The following NRCAM variants were observed in gnomAD, a reference collection of about 807,000 sequenced individuals.
The protein encoded by NRCAM is neuronal cell adhesion molecule.
A neutral mutation model predicts 156.5 loss-of-function variants in NRCAM; 83 were observed. That is an observed-to-expected ratio of 0.53 (90% CI 0.44 to 0.64). The LOEUF is 0.64. Among genes scored for constraint, NRCAM ranks in the 30% least tolerant of loss-of-function variants. The probability of loss-of-function intolerance (pLI) is 0.00; values close to 1 mark genes in which losing one functional copy is unlikely to be tolerated. For synonymous variants in NRCAM, 538 were observed against 563.9 expected, an observed-to-expected ratio of 0.95 and a Z score of 0.65; for missense variants, 1,417 against 1,597.3, an observed-to-expected ratio of 0.89 and a Z score of 1.92.
chr7:108,261,625 C>A lies in NRCAM; in HGVS notation c.-106-21455G>T, dbSNP rs1590640660. Among the ~76,000 whole-genome samples the A allele has an allele frequency of 3.3e-5, 5 of 152,150 alleles. No individual in the cohort carries two copies. In the South Asian group the frequency reaches 1.0e-3, roughly 32 times the overall value. On this transcript the variant is annotated intron_variant, in intron 3 of 32. Transcript: ENST00000379028. ...CCCCATTAGAGTTGTTGTATTGGAC[C>A]CCTCGTGTGCACCACTTCAAAGTCC...
At chr7:108,181,526 T>A (rs1370736428) in intron 24 of NRCAM, among the ~76,000 whole-genome samples, 1 of 152,214 alleles carries the variant, frequency 6.6e-6, no homozygotes, top group Non-Finnish European at 1.5e-5. Context: ...TTGGTAATAT[T>A]CTAGGTCTTT....
At chr7:108,185,432 G>A (rs1442407145) in intron 20 of NRCAM, among the ~76,000 whole-genome samples, 3 of 152,136 alleles carry the variant, frequency 2.0e-5, no homozygotes, top group African/African-American at 7.2e-5. Flanking sequence ...GGAATACTCT[G>A]AAGCTGTTAA....
intron 1 of NRCAM, among the ~76,000 whole-genome samples, chr7:108,454,743 T>C (rs1854508617): frequency 6.6e-6 from 1 of 152,180 alleles, no homozygotes; most frequent in Non-Finnish European, 1.5e-5. Context: ...GAGCTCCTGG[T>C]GCACAACCAA....
rs747177907 is a variant in NRCAM at position 108,232,526 on chromosome 7, C to T, written c.231-4G>A. Reference sequence around the variant, plus strand: ...CCCATTACGGGTCCAGGAAAAGCTGCCCAACACACGAAGTGTTAAGTGTAT... The same window carrying T: ...CCCATTACGGGTCCAGGAAAAGCTGTCCAACACACGAAGTGTTAAGTGTAT... On this transcript the variant is annotated splice_region_variant and splice_polypyrimidine_tract_variant and intron_variant, in intron 6 of 32. Coordinates refer to ENST00000379028, the MANE Select transcript of NRCAM (RefSeq NM_001037132.4). 2 of 1,603,880 alleles carry T rather than the reference C, an allele frequency of 1.2e-6. No individual in the cohort carries two copies. Among genetic ancestry groups the T allele is most frequent in the Non-Finnish European group, 1.7e-6 (2 of 1,175,658 alleles).
intron 1 of NRCAM, among the ~76,000 whole-genome samples, chr7:108,425,634 T>C (rs1816236817): frequency 6.6e-6 from 1 of 152,202 alleles, no homozygotes; most frequent in Non-Finnish European, 1.5e-5. Context: ...CATACTTTCA[T>C]CCACCGAACA....
intron 1 of NRCAM, among the ~76,000 whole-genome samples, chr7:108,429,655 C>T (rs556294970): frequency 6.6e-5 from 10 of 152,176 alleles, no homozygotes; most frequent in African/African-American, 9.7e-5. Context: ...GTGACATGTA[C>T]GGTGACTTTT....
intron 3 of NRCAM, among the ~76,000 whole-genome samples, chr7:108,308,287 A>G (rs1222383747): frequency 6.6e-6 from 1 of 152,226 alleles, no homozygotes; most frequent in Non-Finnish European, 1.5e-5. Context: ...TGGGTCACGA[A>G]TCTAGACTTA....
chr7:108,207,756 TCA>T (rs1368384031), intron 12 of NRCAM, 97 bp from the exon 13 acceptor site: 1 of 934,624 alleles, frequency 1.1e-6, no homozygotes, highest in East Asian at 2.6e-5. Context: ...AGCAAGTACT[TCA>T]CACTAAATTA....
rs536861112 is a variant in NRCAM at position 108,257,044 on chromosome 7, A to G, written c.-106-16874T>C. Among the ~76,000 whole-genome samples the G allele has an allele frequency of 2.1e-3, 304 of 144,886 alleles. 2 individuals are homozygous for G. The highest frequency in any genetic ancestry group is 7.3e-3 in the African/African-American group (289 of 39,842). ...AGAAAAAGAAAAAGAAAAAGAAAAG[A>G]AGGAAGGGAGGGAGGGAGGGAAAGA... is the stretch of plus-strand genomic sequence containing the variant. On this transcript the variant is annotated intron_variant, in intron 3 of 32. Coordinates refer to ENST00000379028, the MANE Select transcript of NRCAM (RefSeq NM_001037132.4).
chr7:108,256,639 A>G (rs965658166), intron 3 of NRCAM, among the ~76,000 whole-genome samples: 10 of 152,098 alleles, frequency 6.6e-5, no homozygotes, highest in African/African-American at 2.4e-4. Flanking sequence ...AAAACAAACA[A>G]CAACAAAAAA....
At chr7:108,387,950 G>T (rs1056374775) in intron 2 of NRCAM, among the ~76,000 whole-genome samples, 9 of 152,078 alleles carry the variant, frequency 5.9e-5, no homozygotes, top group Admixed American at 1.3e-4. Context: ...TCTTAATCCA[G>T]TCGATCATTG....
At chr7:108,351,089 A>G (rs544919836) in intron 2 of NRCAM, among the ~76,000 whole-genome samples, 18 of 152,312 alleles carry the variant, frequency 1.2e-4, no homozygotes, top group South Asian at 2.1e-4. Flanking sequence ...CTAATCCCCA[A>G]TGCAACACTG....
At chr7:108,259,680 A>G (rs1469339729) in intron 3 of NRCAM, among the ~76,000 whole-genome samples, 1 of 152,206 alleles carries the variant, frequency 6.6e-6, no homozygotes, top group Non-Finnish European at 1.5e-5. Context: ...GGAATGAGAT[A>G]ATGTCCTTTG....
chr7:108,372,664 C>T (rs1221455664), intron 2 of NRCAM, among the ~76,000 whole-genome samples: 2 of 152,118 alleles, frequency 1.3e-5, no homozygotes, highest in Non-Finnish European at 2.9e-5. Context: ...TCACCTCATA[C>T]TTGTTAGAAT....
In NRCAM at chr7:108,178,007, G is replaced by T; in HGVS notation, c.2957C>A (p.Thr986Asn). The T allele has an allele frequency of 1.2e-6, 2 of 1,612,578 alleles. No homozygotes were observed. The highest frequency in any genetic ancestry group is 1.7e-6 in the Non-Finnish European group (2 of 1,179,142). The change falls in exon 26 of 33, where the codon ACC (threonine) becomes AAC (asparagine). Residue 986 changes from threonine (T) to asparagine (N), a missense_variant. By Grantham distance (65) the Thr-to-Asn change is moderately conservative. Transcript: ENST00000379028. ...CAGCTTACTTGGCTGATACTTTAAGGTGTACTCTGTCAAAATGCCATTCGG... is the reference window on the plus strand; with the variant it reads ...CAGCTTACTTGGCTGATACTTTAAGTTGTACTCTGTCAAAATGCCATTCGG... ...SHPNGILTEY[T>N]LKYQPINSTH...
chr7:108,246,575 T>G (rs945388336), intron 3 of NRCAM, among the ~76,000 whole-genome samples: 1 of 151,968 alleles, frequency 6.6e-6, no homozygotes, highest in East Asian at 1.9e-4. Flanking sequence ...AGAGGATCAA[T>G]AGAAACAGAA....
intron 2 of NRCAM, among the ~76,000 whole-genome samples, chr7:108,342,464 C>G (rs2099298922): frequency 6.6e-6 from 1 of 152,174 alleles, no homozygotes; most frequent in Non-Finnish European, 1.5e-5. Flanking sequence ...GGCGAAATAG[C>G]TAGGCCATTA....
intron 3 of NRCAM, among the ~76,000 whole-genome samples, chr7:108,256,062 C>T (rs1413684347): frequency 1.3e-5 from 2 of 151,804 alleles, no homozygotes; most frequent in African/African-American, 4.8e-5. Context: ...GCGCCTCTGC[C>T]CGGCCGCCCC....
chr7:108,230,825 A>C (rs978452764), intron 8 of NRCAM, among the ~76,000 whole-genome samples: 1 of 151,800 alleles, frequency 6.6e-6, no homozygotes, highest in Non-Finnish European at 1.5e-5. Flanking sequence ...ATCTCCTCCC[A>C]CTGCAAAGAA....
Sources: allele counts gnomAD v4.1 joint callset (sites outside exome capture counted in the v4.1 genomes callset), GRCh38; gene constraint gnomAD v4.1.1; transcripts MANE v1.5; gene names NCBI Gene and HGNC (gene_info 2026-07-23, HGNC 2026-07-21).